Variants in PRDM11 observed in about 807,000 individuals in gnomAD.
PRDM11 encodes PR domain-containing protein 11.
A neutral mutation model predicts 97.8 loss-of-function variants in PRDM11; 20 were observed. The observed-to-expected ratio is 0.20, with a 90% confidence interval of 0.14 to 0.30. PRDM11 has a LOEUF of 0.30. Among genes scored for constraint, PRDM11 ranks in the 10% least tolerant of loss-of-function variants. PRDM11 has a pLI of 1.00. For missense variants in PRDM11, 1,139 were observed against 1,555.2 expected, an observed-to-expected ratio of 0.73 and a Z score of 4.50; for synonymous variants, 599 against 637.7, an observed-to-expected ratio of 0.94 and a Z score of 0.91.
At chr11:45,121,474 G>T (rs919671108) in intron 1 of PRDM11, among the ~76,000 whole-genome samples, 1 of 152,006 alleles carries the variant, frequency 6.6e-6, no homozygotes, top group Non-Finnish European at 1.5e-5. Context: ...AAAAAGAAAT[G>T]GGCAAATTCA....
intron 1 of PRDM11, among the ~76,000 whole-genome samples, chr11:45,110,961 A>T (rs1033130869): frequency 6.6e-6 from 1 of 150,436 alleles, no homozygotes; most frequent in African/African-American, 2.5e-5. Context: ...TTCTATTTCC[A>T]CAACTATTTT....
intron 1 of PRDM11, among the ~76,000 whole-genome samples, chr11:45,161,641 C>T (rs1264646966): frequency 1.3e-5 from 2 of 152,238 alleles, no homozygotes; most frequent in Admixed American, 1.3e-4. Flanking sequence ...CCTGAGAGTC[C>T]CGGGACGGCT....
intron 1 of PRDM11, among the ~76,000 whole-genome samples, chr11:45,123,533 A>G (rs201924586): frequency 1.3e-5 from 2 of 151,216 alleles, no homozygotes; most frequent in Admixed American, 6.6e-5. Context: ...AAGGTGTAAG[A>G]AAGGGATCCA....
At chr11:45,168,330 C>G (rs1257992314) in intron 1 of PRDM11, among the ~76,000 whole-genome samples, 1 of 152,170 alleles carries the variant, frequency 6.6e-6, no homozygotes, top group Non-Finnish European at 1.5e-5. Flanking sequence ...GTCCCCTTTC[C>G]TTGTAACCAA....
chr11:45,181,572 A>G (rs1287305032), intron 1 of PRDM11, among the ~76,000 whole-genome samples, 189 bp from the exon 2 acceptor site: 1 of 152,142 alleles, frequency 6.6e-6, no homozygotes, highest in Non-Finnish European at 1.5e-5. Context: ...AGCCCGGGAT[A>G]GAAACGGCAT....
At chr11:45,136,989 CAA>C (rs759854361) in intron 1 of PRDM11, among the ~76,000 whole-genome samples, 5,652 of 110,044 alleles carry the variant, frequency 0.051, 417 homozygotes, top group African/African-American at 0.16. Context: ...ACTAAAAATA[CAA>C]AAAAAAAAAA....
chr11:45,212,653 G>A (rs1260829198), intron 5 of PRDM11: 5 of 456,006 alleles, frequency 1.1e-5, no homozygotes, highest in African/African-American at 6.0e-5. Context: ...CCCAGGCCCA[G>A]GCTGCCTGCA....
intron 1 of PRDM11, among the ~76,000 whole-genome samples, chr11:45,113,855 A>G (rs1852245748): frequency 6.8e-6 from 1 of 147,186 alleles, no homozygotes; most frequent in Non-Finnish European, 1.5e-5. Context: ...ACAAAAAATC[A>G]CATTGATTTT....
rs1008111196 is a variant in PRDM11, at chr11:45,219,834, C to T, written c.742+77C>T. On this transcript the variant is annotated intron_variant, in intron 6 of 7. Coordinates refer to ENST00000683152, the MANE Select transcript of PRDM11 (RefSeq NM_001384648.1). The surrounding 1 kb of genome is among the most constrained non-coding windows in gnomAD (Gnocchi z 4.2). ...GCCTGGATAGCTTGTTTTGGAGCTT[C>T]CTGAGAAATACGGTTCCCAGCAATG... is the stretch of plus-strand genomic sequence containing the variant. 1 of 1,457,214 alleles carries T rather than the reference C, an allele frequency of 6.9e-7. No individual in the cohort carries two copies. Among genetic ancestry groups the T allele is most frequent in the South Asian group, 1.3e-5 (1 of 76,074 alleles). The allele number at this position is 1,457,214 out of a possible 1,614,324, so 90.3% of individuals were successfully genotyped here.
intron 1 of PRDM11, among the ~76,000 whole-genome samples, chr11:45,108,387 A>G (rs1047738842): frequency 6.6e-6 from 1 of 152,232 alleles, no homozygotes; most frequent in African/African-American, 2.4e-5. Flanking sequence ...GTACCAGGCC[A>G]GGTCTGTTCT....
chr11:45,109,647 G>C (rs1442944504), intron 1 of PRDM11, among the ~76,000 whole-genome samples: 1 of 152,228 alleles, frequency 6.6e-6, no homozygotes, highest in African/African-American at 2.4e-5. Flanking sequence ...GAACAGGGCA[G>C]ATTTAGGATG....
At chr11:45,174,139 A>G (rs139123027) in intron 1 of PRDM11, among the ~76,000 whole-genome samples, 1 of 152,318 alleles carries the variant, frequency 6.6e-6, no homozygotes, top group Non-Finnish European at 1.5e-5. Flanking sequence ...ATCATACAGT[A>G]TGAGTCTGTA....
intron 1 of PRDM11, among the ~76,000 whole-genome samples, chr11:45,178,748 AG>A (rs1306026477): frequency 6.6e-6 from 1 of 152,222 alleles, no homozygotes; most frequent in Non-Finnish European, 1.5e-5. Flanking sequence ...TCTCACTCTC[AG>A]GTGCCAGTCC....
intron 4 of PRDM11, among the ~76,000 whole-genome samples, chr11:45,190,066 A>G (rs564023805): frequency 6.6e-6 from 1 of 152,134 alleles, no homozygotes; most frequent in East Asian, 1.9e-4. Flanking sequence ...AGATTCATCT[A>G]TTGCTAACAC....
intron 1 of PRDM11, among the ~76,000 whole-genome samples, chr11:45,101,498 G>T (rs1300265605): frequency 1.3e-5 from 2 of 150,450 alleles, no homozygotes; most frequent in Non-Finnish European, 3.0e-5. Context: ...TGAGGTTGCA[G>T]TGAGGTGAGA....
chr11:45,209,279 C>A, intron 5 of PRDM11: 1 of 365,102 alleles, frequency 2.7e-6, no homozygotes, highest in South Asian at 2.0e-5. Flanking sequence ...ATGGCACCGA[C>A]AGCCCTTCGA....
intron 1 of PRDM11, among the ~76,000 whole-genome samples, chr11:45,166,627 C>CTAA (rs1345681639): frequency 6.6e-6 from 1 of 152,240 alleles, no homozygotes; most frequent in Admixed American, 6.5e-5. Flanking sequence ...CCCATGGTTC[C>CTAA]TAGCACCTAG....
chr11:45,140,487 T>C (rs1053994885), intron 1 of PRDM11, among the ~76,000 whole-genome samples: 4 of 152,346 alleles, frequency 2.6e-5, no homozygotes, highest in Admixed American at 2.0e-4. Context: ...TGGTGGGACT[T>C]TGGAGATCAT....
intron 1 of PRDM11, among the ~76,000 whole-genome samples, chr11:45,180,741 C>A (rs1852459451): frequency 1.3e-5 from 2 of 149,832 alleles, no homozygotes; most frequent in African/African-American, 2.4e-5. Flanking sequence ...GGAAGGCTGG[C>A]GAGAGGGGGA....
Sources: allele counts gnomAD v4.1 joint callset (sites outside exome capture counted in the v4.1 genomes callset), GRCh38; gene constraint gnomAD v4.1.1; non-coding constraint Gnocchi (gnomAD v3.1); transcripts MANE v1.5; gene names NCBI Gene and HGNC (gene_info 2026-07-23, HGNC 2026-07-21).